SCARB2: variants seen among roughly 807,000 people sequenced by gnomAD.
SCARB2 encodes the protein scavenger receptor class B member 2.
In SCARB2, 29 loss-of-function variants were observed where a neutral mutation model predicts 58.6. The ratio of observed to expected loss-of-function variants is 0.49; its 90% CI spans 0.37 to 0.67. The LOEUF is 0.67. Ranked by LOEUF, SCARB2 falls within the 30% of genes least tolerant of loss-of-function variation. The pLI is 0.00. For synonymous variants in SCARB2, 195 were observed against 210.1 expected (o/e 0.93, Z 0.62); for missense variants, 488 against 578.5 (o/e 0.84, Z 1.60).
At chr4:76,181,684 C>T (rs1732390008) in intron 2 of SCARB2, among the ~76,000 whole-genome samples, 1 of 152,140 alleles carries the variant, frequency 6.6e-6, no homozygotes, top group South Asian at 2.1e-4. Flanking sequence ...CCCACCTCAG[C>T]CTCCCAAGTA....
intron 1 of SCARB2, among the ~76,000 whole-genome samples, chr4:76,231,258 A>T (rs1253990335): frequency 1.3e-5 from 2 of 152,180 alleles, no homozygotes; most frequent in Non-Finnish European, 2.9e-5. Flanking sequence ...TGTCCAAGTG[A>T]TGGGCATCCT....
Position 76,179,710 on chromosome 4 carries a change from G to A in SCARB2, c.424-5C>T, listed in dbSNP as rs192876326. 137 of 1,610,616 alleles carry A rather than the reference G, an allele frequency of 8.5e-5. No homozygotes were observed. The highest frequency in any genetic ancestry group is 4.0e-4 in the Admixed American group (24 of 60,018). ...CTGGGACCACTCTATGACAGTCTGCGGAGCAGAGGTATATTAAGACAGCAG... is the reference window on the plus strand; with the variant it reads ...CTGGGACCACTCTATGACAGTCTGCAGAGCAGAGGTATATTAAGACAGCAG... On this transcript the variant is annotated splice_region_variant and splice_polypyrimidine_tract_variant and intron_variant, in intron 3 of 11. Transcript: ENST00000264896.
At chr4:76,180,380 ATTAAT>A (rs1449052624) in intron 3 of SCARB2, 2 of 151,944 alleles carry the variant, frequency 1.3e-5, no homozygotes, top group African/African-American at 2.4e-5. Flanking sequence ...TAATAAATAA[ATTAAT>A]TTAATTTAAA....
intron 1 of SCARB2, among the ~76,000 whole-genome samples, chr4:76,197,142 T>C (rs1732730965): frequency 6.6e-6 from 1 of 152,192 alleles, no homozygotes; most frequent in South Asian, 2.1e-4. Context: ...TCCAGAACTA[T>C]GAGACAAATT....
chr4:76,161,676 C>T lies in SCARB2; in HGVS notation c.*37G>A, dbSNP rs759256374. 6.2e-7 allele frequency: 1 copy of T among 1,612,056 alleles called. No individual in the cohort carries two copies. Among genetic ancestry groups the T allele is most frequent in the Admixed American group, 1.7e-5 (1 of 60,008 alleles). ...CCCCACGTCATCGTCCAGGTCAGGACAGCTCACACAGTTTCTTCACCAAGC... is the reference window on the plus strand; with the variant it reads ...CCCCACGTCATCGTCCAGGTCAGGATAGCTCACACAGTTTCTTCACCAAGC... On this transcript the variant is annotated 3_prime_UTR_variant, in exon 12 of 12. Transcript: ENST00000264896.
upstream of SCARB2, chr4:76,214,053 G>A (rs1018879828): frequency 1.2e-5 from 4 of 334,216 alleles, no homozygotes; most frequent in African/African-American, 4.5e-5. Flanking sequence ...GCCCTGCACC[G>A]CAGGCCCAGC....
intron 8 of SCARB2, among the ~76,000 whole-genome samples, chr4:76,168,807 A>C (rs931606213): frequency 6.6e-6 from 1 of 152,204 alleles, no homozygotes; most frequent in Non-Finnish European, 1.5e-5. Context: ...CTTAGAAGGG[A>C]TCCAACAGGA....
upstream of SCARB2, chr4:76,214,522 G>A (rs575560014): frequency 2.9e-6 from 1 of 349,664 alleles, no homozygotes; most frequent in Non-Finnish European, 5.7e-6. Flanking sequence ...GGTGGAGTCG[G>A]AGGTGTTGAG....
At chr4:76,234,216 T>C (rs996851503) in intron 1 of SCARB2, 1 of 152,056 alleles carries the variant, frequency 6.6e-6, no homozygotes, top group Non-Finnish European at 1.5e-5. Flanking sequence ...AATGCGGGGG[T>C]GTGGGCATGA....
intron 4 of SCARB2, chr4:76,179,009 A>G (rs958095859): frequency 6.0e-6 from 1 of 167,194 alleles, no homozygotes; most frequent in African/African-American, 2.4e-5. Context: ...CAACTTCCCA[A>G]CTATCCACTG....
chr4:76,207,011 T>C (rs1364974082), intron 1 of SCARB2, among the ~76,000 whole-genome samples: 1 of 152,220 alleles, frequency 6.6e-6, no homozygotes, highest in Non-Finnish European at 1.5e-5. Flanking sequence ...AGGGATATTA[T>C]GTATTTTTAA....
intron 1 of SCARB2, among the ~76,000 whole-genome samples, chr4:76,224,089 G>T (rs892647844): frequency 1.3e-5 from 2 of 152,212 alleles, no homozygotes; most frequent in African/African-American, 4.8e-5. Flanking sequence ...AGAATGTGAC[G>T]TGCATCACAG....
At chr4:76,197,992 C>A (rs1732749643) in intron 1 of SCARB2, among the ~76,000 whole-genome samples, 1 of 152,146 alleles carries the variant, frequency 6.6e-6, no homozygotes, top group Non-Finnish European at 1.5e-5. Flanking sequence ...AGAGAACTCA[C>A]TTCATCTTGG....
rs57234314 is a variant in SCARB2, at chr4:76,230,458, AT to A, written c.-358+3844del. Among the ~76,000 whole-genome samples, 1,437 of 152,278 alleles carry A rather than the reference AT, an allele frequency of 9.4e-3. 24 individuals are homozygous for A. The highest frequency in any genetic ancestry group is 0.033 in the African/African-American group (1,365 of 41,536). ...AAGCTTCCCTGCTGAGAAAGCAAGC[AT>A]CACTTTCAGGCCTCACCTGCCCCTC... is the stretch of plus-strand genomic sequence containing the variant. On this transcript the variant is annotated intron_variant, in intron 1 of 11. Transcript: ENST00000638295.
chr4:76,210,039 AG>A (rs1452384878), intron 1 of SCARB2, among the ~76,000 whole-genome samples: 2 of 152,202 alleles, frequency 1.3e-5, no homozygotes, highest in Non-Finnish European at 2.9e-5. Context: ...GGATCTCAGA[AG>A]TTTGGAGCTA....
rs72858514 is a variant in SCARB2, at chr4:76,225,581, G to A, written c.-358+8722C>T. The stretch of plus-strand genomic sequence containing the variant: ...GCCCCTTCTATTTCGATTTTACCAG[G>A]GGTTTTAATCATAAAGCGATGCTGG... On this transcript the variant is annotated intron_variant, in intron 1 of 11. Transcript: ENST00000638295. 9.4e-3 allele frequency among the ~76,000 whole-genome samples: 1,438 copies of A among 152,232 alleles called. 24 individuals carry two copies. Among genetic ancestry groups the A allele is most frequent in the African/African-American group, 0.033 (1,365 of 41,502 alleles).
chr4:76,179,693 A>ACT lies in SCARB2; in HGVS notation c.434_435dup (p.Trp146SerfsTer16), dbSNP rs727502773. The stretch of plus-strand genomic sequence containing the variant: ...TCCCTGAGGAAGTGCACCTGGGACC[A>ACT]CTCTATGACAGTCTGCGGAGCAGAG... On this transcript the variant is annotated frameshift_variant, in exon 4 of 12. Transcript: ENST00000264896. LOFTEE classifies it high-confidence loss of function. 244 of 1,613,340 alleles carry ACT rather than the reference A, an allele frequency of 1.5e-4. No individual in the cohort carries two copies. Among genetic ancestry groups the ACT allele is most frequent in the Non-Finnish European group, 2.0e-4 (235 of 1,179,638 alleles).
intron 1 of SCARB2, among the ~76,000 whole-genome samples, chr4:76,227,251 A>T (rs13140675): frequency 0.15 from 22,792 of 152,076 alleles, 2,034 homozygotes; most frequent in East Asian, 0.35. Flanking sequence ...AGAATTTTTT[A>T]AATTTCCATT....
chr4:76,204,276 A>G (rs1454052054), intron 1 of SCARB2, among the ~76,000 whole-genome samples: 1 of 152,086 alleles, frequency 6.6e-6, no homozygotes, highest in Non-Finnish European at 1.5e-5. Flanking sequence ...TTAACATTCT[A>G]CTCTTATTCC....
Sources: allele counts gnomAD v4.1 joint callset (sites outside exome capture counted in the v4.1 genomes callset), GRCh38; gene constraint gnomAD v4.1.1; transcripts MANE v1.5; gene names NCBI Gene and HGNC (gene_info 2026-07-23, HGNC 2026-07-21).